LOC400499: variants seen among roughly 807,000 people sequenced by gnomAD.
At chr16:11,393,160 C>CA in the LOC400499 span, among the ~76,000 whole-genome samples, 1 of 139,104 alleles carries the variant, frequency 7.2e-6, no homozygotes, top group Non-Finnish European at 1.6e-5. Flanking sequence ...GGCCACCCCC[C>CA]CCCCTTTTTT....
the LOC400499 span, among the ~76,000 whole-genome samples, chr16:11,441,820 C>T: frequency 3.9e-5 from 6 of 152,224 alleles, no homozygotes; most frequent in Non-Finnish European, 5.9e-5. Context: ...CCTCTGGAGC[C>T]TCCAGAAGGA....
At chr16:11,510,861 C>T in the LOC400499 span, among the ~76,000 whole-genome samples, 2 of 151,554 alleles carry the variant, frequency 1.3e-5, no homozygotes, top group African/African-American at 4.9e-5. Context: ...CTGAGCCCAG[C>T]GCGGAACTTC....
chr16:11,523,979 CATCT>C, the LOC400499 span, among the ~76,000 whole-genome samples: 2 of 124,672 alleles, frequency 1.6e-5, no homozygotes, highest in African/African-American at 3.1e-5. Flanking sequence ...CTCTCCTATC[CATCT>C]ATCTGCCCAC....
the LOC400499 span, chr16:11,384,962 C>T: frequency 8.1e-7 from 1 of 1,232,230 alleles, no homozygotes; most frequent in Non-Finnish European, 1.0e-6. Context: ...CCCGTCCTCG[C>T]TGGCCAGCTC....
chr16:11,494,404 G>T, the LOC400499 span, among the ~76,000 whole-genome samples: 1 of 151,130 alleles, frequency 6.6e-6, no homozygotes, highest in Non-Finnish European at 1.5e-5. Flanking sequence ...GCGTGGGGGG[G>T]CAGGCAGGAG....
chr16:11,463,365 CACAGATGTGTGT>C, the LOC400499 span, among the ~76,000 whole-genome samples: 1 of 149,904 alleles, frequency 6.7e-6, no homozygotes, highest in Non-Finnish European at 1.5e-5. Context: ...CCCCGATCCC[CACAGATGTGTGT>C]GCGGATGTGT....
the LOC400499 span, chr16:11,477,070 C>T: frequency 2.5e-6 from 1 of 399,608 alleles, no homozygotes; most frequent in Non-Finnish European, 4.4e-6. Context: ...CCACCACTGC[C>T]ACCCACAGGC....
At chr16:11,522,386 T>A in the LOC400499 span, among the ~76,000 whole-genome samples, 2 of 152,242 alleles carry the variant, frequency 1.3e-5, no homozygotes, top group Non-Finnish European at 2.9e-5. Context: ...GCCTGGGCAC[T>A]ATTAATAGTT....
the LOC400499 span, among the ~76,000 whole-genome samples, chr16:11,505,432 T>A: frequency 0.062 from 9,189 of 148,544 alleles, 829 homozygotes; most frequent in African/African-American, 0.19. Flanking sequence ...TTGATTTTTT[T>A]AATTTTTCTT....
chr16:11,522,377 C>T, the LOC400499 span, among the ~76,000 whole-genome samples: 1 of 152,176 alleles, frequency 6.6e-6, no homozygotes, highest in Non-Finnish European at 1.5e-5. Context: ...GGTTTCTCTG[C>T]CTGGGCACTA....
chr16:11,464,446 G>C, the LOC400499 span, among the ~76,000 whole-genome samples: 1 of 152,228 alleles, frequency 6.6e-6, no homozygotes, highest in Non-Finnish European at 1.5e-5. Context: ...AGTTGTAAAT[G>C]TGTCACGTCA....
the LOC400499 span, among the ~76,000 whole-genome samples, chr16:11,408,243 A>C: frequency 1.3e-5 from 2 of 152,104 alleles, no homozygotes; most frequent in African/African-American, 4.8e-5. Flanking sequence ...TCGGCCTCCC[A>C]AAGTGCTGGA....
chr16:11,402,448 G>A, the LOC400499 span, among the ~76,000 whole-genome samples: 1 of 152,194 alleles, frequency 6.6e-6, no homozygotes, highest in East Asian at 1.9e-4. Context: ...AGCTGGGCTG[G>A]CCTCGTGACG....
At chr16:11,375,980 C>A in the LOC400499 span, among the ~76,000 whole-genome samples, 10 of 152,192 alleles carry the variant, frequency 6.6e-5, no homozygotes, top group African/African-American at 2.4e-4. Flanking sequence ...CTCAGGTGAT[C>A]CACCTGCCTC....
chr16:11,460,183 ATT>A, the LOC400499 span: 1 of 807,918 alleles, frequency 1.2e-6, no homozygotes, highest in Non-Finnish European at 1.7e-6. Flanking sequence ...AGAAAGCACT[ATT>A]TTTTTTTAAT....
At chr16:11,485,080 AG>A in the LOC400499 span, 3 of 398,904 alleles carry the variant, frequency 7.5e-6, no homozygotes, top group Non-Finnish European at 1.3e-5. Flanking sequence ...CAAGCTGGGA[AG>A]GGAAGCCACA....
At chr16:11,486,189 T>C in the LOC400499 span, among the ~76,000 whole-genome samples, 2 of 109,914 alleles carry the variant, frequency 1.8e-5, no homozygotes, top group Non-Finnish European at 3.5e-5. Flanking sequence ...GGCGGATAAA[T>C]GATGGGTGGG....
the LOC400499 span, among the ~76,000 whole-genome samples, chr16:11,453,347 T>C: frequency 3.3e-5 from 5 of 152,104 alleles, no homozygotes; most frequent in Non-Finnish European, 7.4e-5. Flanking sequence ...GTAACCAATA[T>C]TTTGAGCAGC....
At chr16:11,484,401 A>G in the LOC400499 span, among the ~76,000 whole-genome samples, 5 of 152,166 alleles carry the variant, frequency 3.3e-5, no homozygotes, top group African/African-American at 1.2e-4. Context: ...GAGTGTGTAC[A>G]TGGGTCAGAA....
Sources: gnomAD v4.1 joint callset for allele counts (sites outside exome capture counted in the v4.1 genomes callset) on GRCh38, gnomAD v4.1.1 for gene constraint, MANE v1.5 for transcripts.